Variants in CHRNA7 observed in about 807,000 individuals in gnomAD.
The protein encoded by CHRNA7 is cholinergic receptor nicotinic alpha 7 subunit.
CHRNA7 carries 17 observed loss-of-function variants against 48.0 expected under a neutral mutation model. The ratio of observed to expected loss-of-function variants is 0.35; its 90% CI spans 0.24 to 0.53. The LOEUF (loss-of-function observed/expected upper bound fraction) is 0.53. CHRNA7 is among the 20% of genes least tolerant of loss of function. CHRNA7 has a pLI of 0.92. For synonymous variants in CHRNA7, 75 were observed against 242.3 expected (o/e 0.31, Z 6.41); for missense variants, 155 against 577.7 (o/e 0.27, Z 7.50).
In CHRNA7 at chr15:32,149,300, T is replaced by C. The variant is rs1359327720; in HGVS notation, c.351-4607T>C. 2.6e-5 allele frequency among the ~76,000 whole-genome samples: 4 copies of C among 152,220 alleles called. No individual in the cohort carries two copies. Among genetic ancestry groups the C allele is most frequent in the African/African-American group, 9.6e-5 (4 of 41,462 alleles). ...CCCCTGTTTCCACGGTTATGGGTGTTTGCCAGCACAGGGCTGCCCAGCACT... is the reference window on the plus strand; with the variant it reads ...CCCCTGTTTCCACGGTTATGGGTGTCTGCCAGCACAGGGCTGCCCAGCACT... On this transcript the variant is annotated intron_variant, in intron 4 of 9. Transcript: ENST00000306901. This position sits in a 1 kb window ranked among gnomAD's most constrained non-coding sequence, Gnocchi z 4.6.
chr15:32,069,966 AT>A (rs373543887), intron 2 of CHRNA7, among the ~76,000 whole-genome samples: 4 of 152,036 alleles, frequency 2.6e-5, no homozygotes, highest in Admixed American at 6.6e-5. Flanking sequence ...TTTTTATCTG[AT>A]TTTCCCCCCG....
Position 32,030,605 on chromosome 15 carries a change from C to A in CHRNA7, c.11C>A (p.Ser4Ter). 1 of 1,557,190 alleles carries A rather than the reference C, an allele frequency of 6.4e-7. No individual in the cohort carries two copies. The highest frequency in any genetic ancestry group is 1.4e-5 in the African/African-American group (1 of 70,996). The change falls in exon 1 of 10, where the codon TCG (serine) becomes TAG (stop). Residue 4 changes from serine (S) to a stop codon, truncating the protein, a stop_gained. Coordinates refer to ENST00000306901, the MANE Select transcript of CHRNA7 (RefSeq NM_000746.6). LOFTEE classifies it high-confidence loss of function. MRC[S>*]PGGVWLALAA... Reference sequence around the variant, plus strand: ...GCTCCGGGACTCAACATGCGCTGCTCGCCGGGAGGCGTCTGGCTGGCGCTG... The same window carrying A: ...GCTCCGGGACTCAACATGCGCTGCTAGCCGGGAGGCGTCTGGCTGGCGCTG...
intron 4 of CHRNA7, among the ~76,000 whole-genome samples, chr15:32,141,810 G>A (rs1177545799): frequency 6.6e-6 from 1 of 151,794 alleles, no homozygotes; most frequent in Non-Finnish European, 1.5e-5. Context: ...TAATCAGCTT[G>A]AGATTTTTGG....
At chr15:32,043,936 G>T (rs1056022633) in intron 2 of CHRNA7, among the ~76,000 whole-genome samples, 62 of 152,186 alleles carry the variant, frequency 4.1e-4, no homozygotes, top group African/African-American at 1.4e-3. Context: ...CAGAAATACA[G>T]ACTTTGTGTT....
At chr15:32,032,931 GAGA>G (rs1340388334) in intron 2 of CHRNA7, among the ~76,000 whole-genome samples, 2 of 152,206 alleles carry the variant, frequency 1.3e-5, no homozygotes, top group African/African-American at 4.8e-5. Flanking sequence ...TGAGTCTTAG[GAGA>G]AGTTTAGGCA....
chr15:32,046,257 ATGGT>A (rs1174885872), intron 2 of CHRNA7, among the ~76,000 whole-genome samples: 1 of 150,248 alleles, frequency 6.7e-6, no homozygotes, highest in Admixed American at 6.6e-5. Context: ...GACTTCCACA[ATGGT>A]TGAACTAGTT....
Position 32,130,406 on chromosome 15 carries a change from C to T in CHRNA7, c.350+18507C>T, listed in dbSNP as rs542423989. Among the ~76,000 whole-genome samples the T allele has an allele frequency of 3.4e-4, 51 of 151,788 alleles. No homozygotes were observed. The South Asian group carries it at 0.01, about 31-fold the overall frequency. ...TGCTGCATCTTCTTGGTAGACTGAGCTTTTATCATTATGTAAATTTATATC... is the reference window on the plus strand; with the variant it reads ...TGCTGCATCTTCTTGGTAGACTGAGTTTTTATCATTATGTAAATTTATATC... On this transcript the variant is annotated intron_variant, in intron 4 of 9. Transcript: ENST00000306901.
intron 2 of CHRNA7, among the ~76,000 whole-genome samples, chr15:32,073,085 C>T (rs2050083494): frequency 1.3e-5 from 2 of 152,192 alleles, no homozygotes; most frequent in Admixed American, 6.5e-5. Flanking sequence ...AGCAAAGCTG[C>T]AGGCAGTCAA....
chr15:32,072,374 G>A (rs970311436), intron 2 of CHRNA7, among the ~76,000 whole-genome samples: 6 of 152,202 alleles, frequency 3.9e-5, no homozygotes, highest in African/African-American at 1.4e-4. Flanking sequence ...GGAGCAGAGT[G>A]TAAAAGTTAG....
At chr15:32,111,965 T>C (rs2050769407) in intron 4 of CHRNA7, 66 bp downstream of exon 4, 2 of 972,400 alleles carry the variant, frequency 2.1e-6, no homozygotes, top group Non-Finnish European at 3.4e-6. Flanking sequence ...TCACGTATAT[T>C]TGAATATTTC....
intron 2 of CHRNA7, among the ~76,000 whole-genome samples, chr15:32,044,388 C>T (rs991501739): frequency 5.9e-5 from 9 of 152,110 alleles, no homozygotes; most frequent in Admixed American, 2.6e-4. Context: ...AGCAATTCTT[C>T]TGCCTCAGCC....
At chr15:32,057,467 T>A (rs982196742) in intron 2 of CHRNA7, among the ~76,000 whole-genome samples, 1 of 152,208 alleles carries the variant, frequency 6.6e-6, no homozygotes, top group South Asian at 2.1e-4. Flanking sequence ...TGTAATTAGG[T>A]AATGAACATT....
At chr15:32,042,892 A>G (rs907335118) in intron 2 of CHRNA7, among the ~76,000 whole-genome samples, 1 of 152,376 alleles carries the variant, frequency 6.6e-6, no homozygotes, top group African/African-American at 2.4e-5. Context: ...TCTTAAAATG[A>G]CAAAAGTAAT....
chr15:32,052,179 C>G (rs995405829), intron 2 of CHRNA7, among the ~76,000 whole-genome samples: 4 of 145,962 alleles, frequency 2.7e-5, no homozygotes, highest in African/African-American at 1.0e-4. Flanking sequence ...TATTAGTATT[C>G]TGGTGCCCTT....
intron 2 of CHRNA7, among the ~76,000 whole-genome samples, chr15:32,080,606 C>T (rs535079848): frequency 1.3e-5 from 2 of 152,236 alleles, no homozygotes; most frequent in South Asian, 4.2e-4. Flanking sequence ...CCAACTCATG[C>T]CAGTCAGAAT....
intron 2 of CHRNA7, among the ~76,000 whole-genome samples, chr15:32,031,883 T>C (rs1255116817): frequency 6.6e-6 from 1 of 152,184 alleles, no homozygotes; most frequent in African/African-American, 2.4e-5. Flanking sequence ...GATTCTATTG[T>C]GGAGCACCCT....
chr15:32,157,515 C>T lies in CHRNA7; in HGVS notation c.431-93C>T, dbSNP rs368714940. On this transcript the variant is annotated intron_variant, in intron 5 of 9. Coordinates refer to ENST00000306901, the MANE Select transcript of CHRNA7 (RefSeq NM_000746.6). ...GCTCTGGACTGTGTTAGCTGCAGTGCGGAGGGCGGAACCGGCTGAAGGAAC... is the reference window on the plus strand; with the variant it reads ...GCTCTGGACTGTGTTAGCTGCAGTGTGGAGGGCGGAACCGGCTGAAGGAAC... The T allele has an allele frequency of 3.2e-5, 26 of 802,186 alleles. 7 individuals carry two copies. The highest frequency in any genetic ancestry group is 2.1e-4 in the East Asian group (8 of 38,856). 49.7% of individuals were successfully genotyped at this position (802,186 alleles called of 1,614,324 possible).
rs956102810 is a variant in CHRNA7 at position 32,125,334 on chromosome 15, G to A, written c.350+13435G>A. On this transcript the variant is annotated intron_variant, in intron 4 of 9. Coordinates refer to ENST00000306901, the MANE Select transcript of CHRNA7 (RefSeq NM_000746.6). The stretch of plus-strand genomic sequence containing the variant: ...TGCACCAAACCCTTCTGAGGAAAAC[G>A]ATAAAAATTCACCAAAGCACCTGAA... 1.5e-4 allele frequency among the ~76,000 whole-genome samples: 23 copies of A among 152,308 alleles called. 1 individual carries two copies. Among genetic ancestry groups the A allele is most frequent in the Admixed American group, 7.8e-4 (12 of 15,294 alleles).
At chr15:32,123,158 A>C (rs2051003400) in intron 4 of CHRNA7, among the ~76,000 whole-genome samples, 1 of 152,222 alleles carries the variant, frequency 6.6e-6, no homozygotes, top group Non-Finnish European at 1.5e-5. Flanking sequence ...GGCATAGTTC[A>C]GTCTAATTAT....
Sources: gnomAD v4.1 joint callset for allele counts (sites outside exome capture counted in the v4.1 genomes callset) on GRCh38, gnomAD v4.1.1 for gene constraint, Gnocchi (gnomAD v3.1) non-coding constraint, MANE v1.5 for transcripts, NCBI Gene and HGNC (gene_info 2026-07-23, HGNC 2026-07-21) for gene names.